The following RFX7 variants were observed in gnomAD, a reference collection of about 807,000 sequenced individuals.
RFX7 encodes regulatory factor X7.
RFX7 carries 26 observed loss-of-function variants against 111.8 expected under a neutral mutation model. The ratio of observed to expected loss-of-function variants is 0.23; its 90% confidence interval spans 0.17 to 0.32. The LOEUF is 0.32. Among genes scored for constraint, RFX7 ranks in the 10% least tolerant of loss-of-function variants. The pLI, the probability that RFX7 is intolerant of heterozygous loss-of-function variation, is 1.00. For missense variants in RFX7, 1,573 were observed against 1,772.9 expected (o/e 0.89, Z 2.02); for synonymous variants, 624 against 624.4 (o/e 1.00, Z 0.01).
At chr15:56,151,000 A>T (rs182883510) in intron 3 of RFX7, among the ~76,000 whole-genome samples, 3 of 152,242 alleles carry the variant, frequency 2.0e-5, no homozygotes, top group Admixed American at 1.3e-4. Context: ...TAAAGCGAGA[A>T]GACAAGATTA....
chr15:56,104,852 C>T (rs1033274220), intron 5 of RFX7, among the ~76,000 whole-genome samples: 3 of 152,092 alleles, frequency 2.0e-5, no homozygotes, highest in Admixed American at 6.5e-5. Context: ...AACAATGCTA[C>T]GAGCAGAAAG....
At chr15:56,128,626 T>C (rs2042175169) in intron 5 of RFX7, among the ~76,000 whole-genome samples, 1 of 152,084 alleles carries the variant, frequency 6.6e-6, no homozygotes. Flanking sequence ...ACTGAAAGCT[T>C]TCCTCTTTGT....
intron 5 of RFX7, 74 bp downstream of exon 5, chr15:56,142,704 A>G: frequency 7.3e-7 from 1 of 1,372,636 alleles, no homozygotes; most frequent in Non-Finnish European, 1.0e-6. Flanking sequence ...CAATAATAAA[A>G]CAAATCACTA....
intron 2 of RFX7, among the ~76,000 whole-genome samples, chr15:56,242,308 C>T (rs1399350729): frequency 6.6e-6 from 1 of 152,138 alleles, no homozygotes; most frequent in African/African-American, 2.4e-5. Flanking sequence ...AAGAATATTG[C>T]AATGGCTCTA....
At chr15:56,096,777 C>T (rs2041685158) in intron 9 of RFX7, among the ~76,000 whole-genome samples, 157 bp from the exon 10 acceptor site, 1 of 152,076 alleles carries the variant, frequency 6.6e-6, no homozygotes, top group Admixed American at 6.5e-5. Flanking sequence ...AGGTTCTACA[C>T]AATCAGACAC....
intron 2 of RFX7, among the ~76,000 whole-genome samples, chr15:56,194,631 TA>T (rs1188056250): frequency 1.3e-5 from 2 of 151,590 alleles, no homozygotes; most frequent in Admixed American, 6.6e-5. Flanking sequence ...TTTTTATATT[TA>T]AAAAAATAAT....
At chr15:56,101,232 G>T in intron 8 of RFX7, 127 bp downstream of exon 8, 2 of 710,970 alleles carry the variant, frequency 2.8e-6, no homozygotes, top group Non-Finnish European at 4.8e-6. Flanking sequence ...AGTGTTAAGC[G>T]GAGTAAGAGT....
Position 56,149,207 on chromosome 15 carries a change from G to C in RFX7, c.196-4724C>G, listed in dbSNP as rs2042531764. ...CAGCCTTCCTGTCAATGTTGGTTCT[G>C]AGGGATTATTTGGAACAGTGGTCTT... On this transcript the variant is annotated intron_variant, in intron 3 of 9. Transcript: ENST00000559447. Among the ~76,000 whole-genome samples, 2 of 152,154 alleles carry C rather than the reference G, an allele frequency of 1.3e-5. 1 individual carries two copies. The highest frequency in any genetic ancestry group is 4.1e-4 in the South Asian group (2 of 4,822).
chr15:56,163,767 GGC>G (rs1396738231), intron 3 of RFX7, among the ~76,000 whole-genome samples: 1 of 152,036 alleles, frequency 6.6e-6, no homozygotes, highest in African/African-American at 2.4e-5. Flanking sequence ...GCTTTCTATT[GGC>G]TGGCCGTTGT....
chr15:56,115,406 CAGAA>C (rs2041997490), intron 5 of RFX7, among the ~76,000 whole-genome samples: 1 of 152,088 alleles, frequency 6.6e-6, no homozygotes, highest in African/African-American at 2.4e-5. Context: ...TCCATACAGA[CAGAA>C]AGATTTATAG....
intron 5 of RFX7, among the ~76,000 whole-genome samples, chr15:56,119,513 A>C: frequency 6.6e-6 from 1 of 152,096 alleles, no homozygotes; most frequent in Non-Finnish European, 1.5e-5. Flanking sequence ...GCGGTGGCTC[A>C]CGCCTGTAAT....
At chr15:56,231,303 A>G (rs917993419) in intron 2 of RFX7, among the ~76,000 whole-genome samples, 3 of 152,206 alleles carry the variant, frequency 2.0e-5, no homozygotes, top group Non-Finnish European at 2.9e-5. Flanking sequence ...TGTTAAAGAC[A>G]TACCTGAGAC....
chr15:56,155,563 A>T lies in RFX7; in HGVS notation c.196-11080T>A, dbSNP rs765933580. 2.6e-5 allele frequency among the ~76,000 whole-genome samples: 4 copies of T among 152,276 alleles called. 1 individual carries two copies. Among genetic ancestry groups the T allele is most frequent in the South Asian group, 4.1e-4 (2 of 4,820 alleles). On this transcript the variant is annotated intron_variant, in intron 3 of 9. Coordinates refer to ENST00000559447, the MANE Select transcript of RFX7 (RefSeq NM_022841.7). Reference sequence around the variant, plus strand: ...CTCGCTCATAAGTGGGAGTTGAACAATGAGAACACATGGACACAGGGAGGG... The same window carrying T: ...CTCGCTCATAAGTGGGAGTTGAACATTGAGAACACATGGACACAGGGAGGG...
intron 2 of RFX7, among the ~76,000 whole-genome samples, chr15:56,216,739 T>G (rs923426491): frequency 6.6e-6 from 1 of 152,220 alleles, no homozygotes; most frequent in Non-Finnish European, 1.5e-5. Context: ...AAATATCAAT[T>G]AGCTACAACT....
intron 2 of RFX7, among the ~76,000 whole-genome samples, chr15:56,226,983 A>C (rs1242248226): frequency 6.6e-6 from 1 of 152,192 alleles, no homozygotes; most frequent in African/African-American, 2.4e-5. Context: ...ACTCTTTGGT[A>C]TGTAAATTAT....
intron 2 of RFX7, among the ~76,000 whole-genome samples, chr15:56,229,553 G>A (rs1406481550): frequency 6.6e-6 from 1 of 152,140 alleles, no homozygotes; most frequent in Non-Finnish European, 1.5e-5. Flanking sequence ...TTAAGAAGAT[G>A]ACTCCTCTAA....
intron 9 of RFX7, 61 bp downstream of exon 9, chr15:56,098,020 T>A (rs2041704395): frequency 6.6e-7 from 1 of 1,507,882 alleles, no homozygotes; most frequent in South Asian, 1.2e-5. Context: ...TCTGCCACTT[T>A]TAAGTAAACA....
chr15:56,121,548 C>T (rs1348452401), intron 5 of RFX7, among the ~76,000 whole-genome samples: 1 of 152,120 alleles, frequency 6.6e-6, no homozygotes, highest in Non-Finnish European at 1.5e-5. Context: ...CTTTCTTGTA[C>T]TTGGATATTG....
intron 5 of RFX7, among the ~76,000 whole-genome samples, chr15:56,138,980 G>A (rs2042347515): frequency 6.6e-6 from 1 of 152,076 alleles, no homozygotes; most frequent in Non-Finnish European, 1.5e-5. Flanking sequence ...TCTGCCGAGA[G>A]ATCCGCTGTT....
Sources: gnomAD v4.1 joint callset for allele counts (sites outside exome capture counted in the v4.1 genomes callset) on GRCh38, gnomAD v4.1.1 for gene constraint, MANE v1.5 for transcripts, NCBI Gene and HGNC (gene_info 2026-07-23, HGNC 2026-07-21) for gene names.